LARP1B: variants seen among roughly 807,000 people sequenced by gnomAD.
LARP1B encodes La ribonucleoprotein 1B.
LARP1B carries 76 observed loss-of-function variants against 114.2 expected under a neutral mutation model. That is an observed-to-expected ratio of 0.67 (90% CI 0.55 to 0.81). The LOEUF (loss-of-function observed/expected upper bound fraction) is 0.81, where lower values mean the gene tolerates loss of function less well. Ranked by LOEUF, LARP1B falls within the 30% of genes least tolerant of loss-of-function variation. The pLI is 0.00. For missense variants in LARP1B, 1,014 were observed against 1,075.8 expected, an observed-to-expected ratio of 0.94 and a Z score of 0.80; for synonymous variants, 345 against 348.0, an observed-to-expected ratio of 0.99 and a Z score of 0.10.
intron 1 of LARP1B, among the ~76,000 whole-genome samples, chr4:128,063,042 G>A (rs1760892411): frequency 6.6e-6 from 1 of 152,194 alleles, no homozygotes; most frequent in African/African-American, 2.4e-5. Flanking sequence ...CTTCCCTTTA[G>A]AGGAGATAAG....
At chr4:128,149,032 G>A (rs1198073920) in intron 11 of LARP1B, among the ~76,000 whole-genome samples, 8 of 152,114 alleles carry the variant, frequency 5.3e-5, no homozygotes, top group Non-Finnish European at 4.4e-5. Flanking sequence ...ACTTGTTTGG[G>A]CACTTTTCAG....
chr4:128,067,044 T>C (rs1376434629), intron 1 of LARP1B, among the ~76,000 whole-genome samples: 2 of 150,294 alleles, frequency 1.3e-5, no homozygotes, highest in South Asian at 2.1e-4. Flanking sequence ...CTGACCTCAG[T>C]TGATGCGCCC....
At chr4:128,150,249 A>G (rs181161456) in intron 11 of LARP1B, among the ~76,000 whole-genome samples, 1 of 152,274 alleles carries the variant, frequency 6.6e-6, no homozygotes, top group East Asian at 1.9e-4. Context: ...ATTATGACCC[A>G]TAAAGGGACA....
At chr4:128,163,656 G>A (rs894580445) in intron 12 of LARP1B, among the ~76,000 whole-genome samples, 2 of 152,088 alleles carry the variant, frequency 1.3e-5, no homozygotes, top group Non-Finnish European at 2.9e-5. Context: ...CAAAGTACTA[G>A]CTGGTTCCTT....
intron 1 of LARP1B, among the ~76,000 whole-genome samples, chr4:128,065,262 T>TTTCC (rs1491378264): frequency 4.3e-5 from 3 of 68,992 alleles, no homozygotes; most frequent in African/African-American, 1.4e-4. Flanking sequence ...AATTTCTTTC[T>TTTCC]TTCTTTCTTT....
In LARP1B at chr4:128,074,969, A is replaced by G. The variant is rs769397034; in HGVS notation, c.18A>G (p.Thr6=). Residue 6 remains threonine, a synonymous_variant, in exon 3 of 20, where the codon ACA becomes ACG. Transcript: ENST00000326639. ...TCAGTGATATGGAGAATTGGCCAACACCAAGTGAATTAGTGAACACTGGAG... is the reference window on the plus strand; with the variant it reads ...TCAGTGATATGGAGAATTGGCCAACGCCAAGTGAATTAGTGAACACTGGAG... MENWP[T]PSELVNTGFQ... is the part of the protein sequence containing the mutation. 26 of 1,609,334 alleles carry G rather than the reference A, an allele frequency of 1.6e-5. 1 individual carries two copies. The South Asian group carries it at 2.8e-4, about 17-fold the overall frequency.
chr4:128,146,825 T>C (rs1018457316), intron 11 of LARP1B, among the ~76,000 whole-genome samples: 2 of 152,152 alleles, frequency 1.3e-5, no homozygotes, highest in Non-Finnish European at 2.9e-5. Flanking sequence ...TTTTGAGAGT[T>C]TTAGGTTGGC....
intron 11 of LARP1B, among the ~76,000 whole-genome samples, chr4:128,155,207 G>A (rs978739507): frequency 6.6e-6 from 1 of 152,202 alleles, no homozygotes; most frequent in Non-Finnish European, 1.5e-5. Context: ...TGTGCATCCA[G>A]TTGTGGTAGA....
chr4:128,114,426 G>A, intron 9 of LARP1B, 144 bp from the exon 10 acceptor site: 1 of 643,146 alleles, frequency 1.6e-6, no homozygotes, highest in Non-Finnish European at 2.7e-6. Context: ...CTTCAGGTTT[G>A]AAAATCACTG....
intron 12 of LARP1B, among the ~76,000 whole-genome samples, chr4:128,163,660 G>A (rs1739487566): frequency 6.6e-6 from 1 of 152,046 alleles, no homozygotes; most frequent in Admixed American, 6.6e-5. Context: ...GTACTAGCTG[G>A]TTCCTTAACA....
chr4:128,169,714 G>A (rs1177400315), intron 12 of LARP1B, among the ~76,000 whole-genome samples: 2 of 151,970 alleles, frequency 1.3e-5, no homozygotes, highest in African/African-American at 4.8e-5. Context: ...TCGGCTCACT[G>A]CCACCTCTGC....
intron 11 of LARP1B, among the ~76,000 whole-genome samples, chr4:128,152,271 T>C (rs2150331127): frequency 6.7e-6 from 1 of 149,428 alleles, no homozygotes; most frequent in South Asian, 2.1e-4. Context: ...TGGCGCAATC[T>C]CGGCTCACTG....
chr4:128,155,617 C>T (rs542693710), intron 11 of LARP1B: 91 of 1,217,858 alleles, frequency 7.5e-5, no homozygotes, highest in Middle Eastern at 1.9e-4. Flanking sequence ...CAGCCCCCTA[C>T]AACCCCAGCC....
chr4:128,102,447 C>T (rs1780639268), intron 8 of LARP1B, among the ~76,000 whole-genome samples: 1 of 152,208 alleles, frequency 6.6e-6, no homozygotes, highest in African/African-American at 2.4e-5. Context: ...CTGTTGATAA[C>T]TCCTTTATCT....
chr4:128,141,893 T>C (rs866887255), intron 11 of LARP1B, among the ~76,000 whole-genome samples: 1 of 152,338 alleles, frequency 6.6e-6, no homozygotes, highest in African/African-American at 2.4e-5. Context: ...CACTCTCTTA[T>C]GCAGCATTCC....
At chr4:128,173,167 T>C (rs1744551408) in intron 12 of LARP1B, among the ~76,000 whole-genome samples, 1 of 152,176 alleles carries the variant, frequency 6.6e-6, no homozygotes, top group African/African-American at 2.4e-5. Context: ...CATATCTATC[T>C]GACCGCTATA....
intron 12 of LARP1B, among the ~76,000 whole-genome samples, chr4:128,173,428 T>C (rs1457415162): frequency 6.6e-6 from 1 of 152,194 alleles, no homozygotes; most frequent in African/African-American, 2.4e-5. Flanking sequence ...CCAGTTCTCA[T>C]GTAGCATTTT....
At chr4:128,116,800 G>T (rs1785997809) in intron 10 of LARP1B, among the ~76,000 whole-genome samples, 1 of 152,004 alleles carries the variant, frequency 6.6e-6, no homozygotes, top group South Asian at 2.1e-4. Flanking sequence ...TCTTTGTTGG[G>T]CATCATTTTT....
At chr4:128,166,934 C>T (rs1051046831) in intron 12 of LARP1B, among the ~76,000 whole-genome samples, 2 of 28,888 alleles carry the variant, frequency 6.9e-5, no homozygotes, top group Non-Finnish European at 1.4e-4. Context: ...ATTCTATTCT[C>T]TCTCTCTCTC....
Sources: gnomAD v4.1 joint callset for allele counts (sites outside exome capture counted in the v4.1 genomes callset) on GRCh38, gnomAD v4.1.1 for gene constraint, MANE v1.5 for transcripts, NCBI Gene and HGNC (gene_info 2026-07-23, HGNC 2026-07-21) for gene names.